UIMC1: variants seen among roughly 807,000 people sequenced by gnomAD.
The protein encoded by UIMC1 is ubiquitin interaction motif containing 1.
In UIMC1, 42 loss-of-function variants were observed where a neutral mutation model predicts 84.9. That is an observed-to-expected ratio of 0.49 (90% CI 0.39 to 0.64). The LOEUF (loss-of-function observed/expected upper bound fraction) is 0.64, where lower values mean the gene tolerates loss of function less well. Ranked by LOEUF, UIMC1 falls within the 30% of genes least tolerant of loss-of-function variation. The probability of loss-of-function intolerance (pLI) is 0.00; values close to 1 mark genes in which losing one functional copy is unlikely to be tolerated. For synonymous variants in UIMC1, 281 were observed against 293.0 expected, an observed-to-expected ratio of 0.96 and a Z score of 0.42; for missense variants, 825 against 847.6, an observed-to-expected ratio of 0.97 and a Z score of 0.33.
intron 2 of UIMC1, among the ~76,000 whole-genome samples, chr5:176,975,701 T>C (rs1769956230): frequency 6.6e-6 from 1 of 152,216 alleles, no homozygotes; most frequent in African/African-American, 2.4e-5. Context: ...ATTGGCATTA[T>C]TATCTGTCAT....
chr5:177,000,479 C>G (rs10043013), intron 1 of UIMC1, among the ~76,000 whole-genome samples: 3 of 148,030 alleles, frequency 2.0e-5, no homozygotes, highest in Non-Finnish European at 3.0e-5. Context: ...TTTCATATGC[C>G]TGTTTTCCAC....
intron 1 of UIMC1, among the ~76,000 whole-genome samples, chr5:176,997,986 T>C (rs1371538116): frequency 6.6e-6 from 1 of 152,152 alleles, no homozygotes; most frequent in Non-Finnish European, 1.5e-5. Context: ...CTCCCCAGAT[T>C]GGTCAAATAC....
chr5:177,009,322 G>A (rs796192155), upstream of UIMC1, among the ~76,000 whole-genome samples: 27 of 151,788 alleles, frequency 1.8e-4, 1 homozygote, highest in African/African-American at 6.5e-4. This position sits in a 1 kb window ranked among gnomAD's most constrained non-coding sequence, Gnocchi z 4.3. Context: ...GTTTTAAGCC[G>A]CTAAGTTTTG....
In UIMC1 at chr5:176,969,720, T is replaced by C; in HGVS notation, c.358-14A>G. The C allele has an allele frequency of 6.2e-7, 1 of 1,611,640 alleles. No homozygotes were observed. The highest frequency in any genetic ancestry group is 8.5e-7 in the Non-Finnish European group (1 of 1,178,008). The stretch of plus-strand genomic sequence containing the variant: ...AGGCCGGCAACTCTGAAACAAGTGA[T>C]CCCATACCAGACCAGGTTTATTATT... On this transcript the variant is annotated splice_polypyrimidine_tract_variant and intron_variant, in intron 4 of 14. Transcript: ENST00000511320.
intron 1 of UIMC1, among the ~76,000 whole-genome samples, chr5:176,995,196 G>A (rs1773426291): frequency 6.6e-6 from 1 of 152,100 alleles, no homozygotes. Context: ...TATGTTCATA[G>A]CAGCTCTTTC....
At chr5:176,978,098 G>A (rs1467225244) in intron 2 of UIMC1, among the ~76,000 whole-genome samples, 1 of 152,066 alleles carries the variant, frequency 6.6e-6, no homozygotes, top group African/African-American at 2.4e-5. Flanking sequence ...TAGGCCGGGT[G>A]CGGTGACTCA....
At chr5:176,946,563 G>A (rs1007683798) in intron 9 of UIMC1, among the ~76,000 whole-genome samples, 1 of 152,092 alleles carries the variant, frequency 6.6e-6, no homozygotes, top group South Asian at 2.1e-4. Flanking sequence ...CACCAGGTGC[G>A]ATGGCTCACG....
At chr5:176,965,864 C>A (rs1009752821) in intron 6 of UIMC1, among the ~76,000 whole-genome samples, 8 of 152,184 alleles carry the variant, frequency 5.3e-5, no homozygotes, top group African/African-American at 1.9e-4. Context: ...CCCCTGGGAT[C>A]TTGCAAGCTA....
At chr5:176,983,435 A>G (rs551105242) in intron 1 of UIMC1, among the ~76,000 whole-genome samples, 1,632 of 152,014 alleles carry the variant, frequency 0.011, 10 homozygotes, top group South Asian at 0.025. Context: ...GGGTTTCGCC[A>G]TGTTGACCGG....
At chr5:176,974,475 C>T (rs554802509) in intron 3 of UIMC1, among the ~76,000 whole-genome samples, 3 of 152,044 alleles carry the variant, frequency 2.0e-5, no homozygotes, top group Non-Finnish European at 2.9e-5. Flanking sequence ...ATAACCTTAG[C>T]GTAGTCAAAG....
chr5:176,943,318 T>C lies in UIMC1; in HGVS notation c.1597+17A>G. On this transcript the variant is annotated intron_variant, in intron 10 of 14. Transcript: ENST00000511320. ...ACACAAAAAAGTAAGAGTTTGGCTGTCCTGCTGGGTCTTTACCTGTATCTT... is the reference window on the plus strand; with the variant it reads ...ACACAAAAAAGTAAGAGTTTGGCTGCCCTGCTGGGTCTTTACCTGTATCTT... The C allele has an allele frequency of 6.2e-7, 1 of 1,611,532 alleles. No homozygotes were observed. Among genetic ancestry groups the C allele is most frequent in the Non-Finnish European group, 8.5e-7 (1 of 1,178,916 alleles).
intron 10 of UIMC1, among the ~76,000 whole-genome samples, chr5:176,914,367 G>A (rs1420019128): frequency 6.6e-6 from 1 of 152,116 alleles, no homozygotes; most frequent in Non-Finnish European, 1.5e-5. Context: ...TAAAGGATAT[G>A]GCCAAGGACA....
At chr5:176,967,693 A>C (rs538582021) in intron 6 of UIMC1, among the ~76,000 whole-genome samples, 1 of 152,262 alleles carries the variant, frequency 6.6e-6, no homozygotes, top group East Asian at 1.9e-4. Context: ...GCTTGAGTAC[A>C]GGAGTTCGAG....
At chr5:177,016,892 G>A (rs1384765866) in intron 1 of UIMC1, among the ~76,000 whole-genome samples, 14 of 147,426 alleles carry the variant, frequency 9.5e-5, no homozygotes, top group South Asian at 2.2e-4. Context: ...GCATGGTGGC[G>A]GGTGCCTCTA....
intron 2 of UIMC1, among the ~76,000 whole-genome samples, chr5:176,977,073 A>C (rs971766989): frequency 2.0e-5 from 3 of 151,940 alleles, no homozygotes; most frequent in Admixed American, 1.3e-4. Context: ...AAATACAAAA[A>C]TTTGCCAGGC....
intron 5 of UIMC1, 37 bp from the exon 6 acceptor site, chr5:176,969,328 A>AC: frequency 6.4e-7 from 1 of 1,557,412 alleles, no homozygotes; most frequent in Non-Finnish European, 8.6e-7. Context: ...CTAAGGACAA[A>AC]CTTTTTTATT....
intron 13 of UIMC1, chr5:176,906,266 C>A: frequency 2.0e-6 from 1 of 511,182 alleles, no homozygotes; most frequent in Non-Finnish European, 3.5e-6. Flanking sequence ...TGAACAACCT[C>A]TGAATAAATC....
intron 1 of UIMC1, among the ~76,000 whole-genome samples, chr5:176,985,187 G>A (rs968398414): frequency 8.6e-5 from 13 of 151,944 alleles, no homozygotes; most frequent in Non-Finnish European, 1.8e-4. Context: ...TGGGCACAGT[G>A]GCTCATGCCT....
intron 1 of UIMC1, chr5:177,001,536 G>T (rs963162908): frequency 6.6e-6 from 1 of 151,934 alleles, no homozygotes; most frequent in Non-Finnish European, 1.5e-5. Flanking sequence ...TAGGTTTAAT[G>T]CAATTCCTAT....
Sources: gnomAD v4.1 joint callset for allele counts (sites outside exome capture counted in the v4.1 genomes callset) on GRCh38, gnomAD v4.1.1 for gene constraint, Gnocchi (gnomAD v3.1) non-coding constraint, MANE v1.5 for transcripts, NCBI Gene and HGNC (gene_info 2026-07-23, HGNC 2026-07-21) for gene names.